The following LETM1 variants were observed in gnomAD, a reference collection of about 807,000 sequenced individuals.
LETM1 encodes leucine zipper and EF-hand containing transmembrane protein 1.
A neutral mutation model predicts 74.5 loss-of-function variants in LETM1; 50 were observed. That is an observed-to-expected ratio of 0.67 (90% CI 0.53 to 0.85). The LOEUF (loss-of-function observed/expected upper bound fraction) is 0.85, where lower values mean the gene tolerates loss of function less well. Among genes scored for constraint, LETM1 ranks in the 40% least tolerant of loss-of-function variants. The pLI is 0.00. For synonymous variants in LETM1, 446 were observed against 407.1 expected (o/e 1.10, Z -1.15); for missense variants, 824 against 967.8 (o/e 0.85, Z 1.97).
In LETM1 at chr4:1,832,727, A is replaced by G. The variant is rs1712319894; in HGVS notation, c.1080+17T>C. 1 of 1,611,584 alleles carries G rather than the reference A, an allele frequency of 6.2e-7. No individual in the cohort carries two copies. The highest frequency in any genetic ancestry group is 1.7e-5 in the Admixed American group (1 of 59,992). Reference sequence around the variant, plus strand: ...GTAAAACACCAGAGCTGTGGCGCGGAGTATGGCCAGGCTCACCTTGTCGTC... The same window carrying G: ...GTAAAACACCAGAGCTGTGGCGCGGGGTATGGCCAGGCTCACCTTGTCGTC... On this transcript the variant is annotated intron_variant, in intron 6 of 13. Coordinates refer to ENST00000302787, the MANE Select transcript of LETM1 (RefSeq NM_012318.3).
chr4:1,843,915 G>T (rs1712791143), intron 2 of LETM1, among the ~76,000 whole-genome samples: 1 of 152,226 alleles, frequency 6.6e-6, no homozygotes, highest in Non-Finnish European at 1.5e-5. Flanking sequence ...GCCAGGCTGT[G>T]TTCCTTCTGT....
At chr4:1,845,307 C>T (rs1712843628) in intron 2 of LETM1, among the ~76,000 whole-genome samples, 1 of 151,590 alleles carries the variant, frequency 6.6e-6, no homozygotes, top group Non-Finnish European at 1.5e-5. Context: ...AAATGGTTAC[C>T]ATTTATAGCT....
At chr4:1,854,522 G>C (rs763459610) in intron 1 of LETM1, among the ~76,000 whole-genome samples, 3 of 151,646 alleles carry the variant, frequency 2.0e-5, no homozygotes, top group Non-Finnish European at 4.4e-5. Flanking sequence ...GGCCGGGCGC[G>C]GTGGCTCACG....
intron 6 of LETM1, among the ~76,000 whole-genome samples, chr4:1,828,136 G>C (rs1405386365): frequency 2.5e-5 from 3 of 119,114 alleles, no homozygotes; most frequent in Non-Finnish European, 5.4e-5. Flanking sequence ...GCGGCTGGCC[G>C]GGCAGAGGGG....
At chr4:1,855,756 G>A in intron 1 of LETM1, 113 bp downstream of exon 1, 2 of 624,140 alleles carry the variant, frequency 3.2e-6, no homozygotes, top group East Asian at 4.2e-5. Flanking sequence ...TCCGGAGGCC[G>A]GGACCACCGG....
chr4:1,830,535 T>C (rs1340380357), intron 6 of LETM1, among the ~76,000 whole-genome samples: 1 of 152,208 alleles, frequency 6.6e-6, no homozygotes, highest in East Asian at 1.9e-4. Flanking sequence ...GGTCTCACTA[T>C]GTTGCCCAGG....
Position 1,836,581 on chromosome 4 carries a change from G to A in LETM1, c.595-9C>T. On this transcript the variant is annotated splice_polypyrimidine_tract_variant and intron_variant, in intron 3 of 13. Transcript: ENST00000302787. This position sits in a 1 kb window ranked among gnomAD's most constrained non-coding sequence, Gnocchi z 5.8. ...GCGCAGATCCGGAGAAACTGGAAGG[G>A]GCGGAATCCATCAGAGGGGAGCAGA... 6.2e-7 allele frequency: 1 copy of A among 1,613,692 alleles called. No homozygotes were observed. Among genetic ancestry groups the A allele is most frequent in the Non-Finnish European group, 8.5e-7 (1 of 1,179,958 alleles).
intron 9 of LETM1, 24 bp from the exon 10 acceptor site, chr4:1,822,336 C>G: frequency 6.9e-7 from 1 of 1,449,140 alleles, no homozygotes; most frequent in Non-Finnish European, 9.2e-7. Flanking sequence ...CGACACCAGC[C>G]CAGCGCCCGC....
intron 1 of LETM1, among the ~76,000 whole-genome samples, chr4:1,854,214 G>A (rs1361513019): frequency 6.6e-6 from 1 of 152,198 alleles, no homozygotes; most frequent in Non-Finnish European, 1.5e-5. Flanking sequence ...AGGCGAGGTG[G>A]CTCACGCCTG....
intron 10 of LETM1, among the ~76,000 whole-genome samples, chr4:1,819,886 T>C (rs1300877037): frequency 6.6e-6 from 1 of 152,222 alleles, no homozygotes; most frequent in Non-Finnish European, 1.5e-5. Context: ...GCACTCTTTT[T>C]GTCTGACTTC....
At chr4:1,841,077 C>T (rs948507873) in intron 3 of LETM1, among the ~76,000 whole-genome samples, 2 of 152,218 alleles carry the variant, frequency 1.3e-5, no homozygotes, top group African/African-American at 2.4e-5. Context: ...CGGCCCAGCA[C>T]GGTGGCTCAC....
chr4:1,834,225 T>G lies in LETM1; in HGVS notation c.876+620A>C, dbSNP rs898510430. Reference sequence around the variant, plus strand: ...TGGCTGGAGTTTCTAGGCCCTGGTTTAAGCTCTTCCTGCACTTCAGACACA... The same window carrying G: ...TGGCTGGAGTTTCTAGGCCCTGGTTGAAGCTCTTCCTGCACTTCAGACACA... On this transcript the variant is annotated intron_variant, in intron 5 of 13. Coordinates refer to ENST00000302787, the MANE Select transcript of LETM1 (RefSeq NM_012318.3). This position sits in a 1 kb window ranked among gnomAD's most constrained non-coding sequence, Gnocchi z 5.0. The G allele has an allele frequency of 5.3e-5, 11 of 206,612 alleles. No individual in the cohort carries two copies. Among genetic ancestry groups the G allele is most frequent in the Non-Finnish European group, 8.5e-5 (10 of 117,836 alleles). The allele number at this position is 206,612 out of a possible 1,614,324, so 12.8% of individuals were successfully genotyped here. A position where few individuals can be genotyped will look rare whatever the true frequency, so the allele number is the denominator to read the frequency against.
intron 1 of LETM1, among the ~76,000 whole-genome samples, chr4:1,853,138 TC>T (rs1306216245): frequency 6.6e-6 from 1 of 151,818 alleles, no homozygotes; most frequent in Non-Finnish European, 1.5e-5. Flanking sequence ...CCCCAAGTCC[TC>T]CCCAGTTTCA....
At chr4:1,832,976 C>G in intron 5 of LETM1, 29 bp from the exon 6 acceptor site, 1 of 1,606,976 alleles carries the variant, frequency 6.2e-7, no homozygotes, top group Non-Finnish European at 8.5e-7. Flanking sequence ...GGGTCATCCC[C>G]GGGACACGCG....
At chr4:1,853,942 C>G (rs1483116353) in intron 1 of LETM1, among the ~76,000 whole-genome samples, 1 of 152,124 alleles carries the variant, frequency 6.6e-6, no homozygotes, top group East Asian at 1.9e-4. Context: ...CATTTGTGTT[C>G]CTGAAATGAC....
In LETM1 at chr4:1,829,488, C is replaced by G. The variant is rs534676246; in HGVS notation, c.1080+3256G>C. Reference sequence around the variant, plus strand: ...GTCTCCACAGTTCCTGATGAGAAATCCATTGTCATTCAAATTTTCCCCTAA... The same window carrying G: ...GTCTCCACAGTTCCTGATGAGAAATGCATTGTCATTCAAATTTTCCCCTAA... On this transcript the variant is annotated intron_variant, in intron 6 of 13. Transcript: ENST00000302787. Among the ~76,000 whole-genome samples, 13 of 152,366 alleles carry G rather than the reference C, an allele frequency of 8.5e-5. No homozygotes were observed. In the East Asian group the frequency reaches 1.7e-3, roughly 20 times the overall value.
At chr4:1,845,111 A>T (rs1348661796) in intron 2 of LETM1, among the ~76,000 whole-genome samples, 1 of 151,500 alleles carries the variant, frequency 6.6e-6, no homozygotes, top group Non-Finnish European at 1.5e-5. Flanking sequence ...AATTGCTTGA[A>T]CTTGGGAGGC....
Position 1,815,595 on chromosome 4 carries a change from C to G in LETM1, c.2070+69G>C, listed in dbSNP as rs548905178. 9.5e-6 allele frequency: 15 copies of G among 1,573,130 alleles called. No homozygotes were observed. The South Asian group carries it at 1.2e-4, about 12-fold the overall frequency. On this transcript the variant is annotated intron_variant, in intron 13 of 13. Transcript: ENST00000302787. The stretch of plus-strand genomic sequence containing the variant: ...AGGAGGGTGCCGGACATGCAATGAA[C>G]AGTCCCCCTGCCCCACCCCACTCCA...
intron 10 of LETM1, among the ~76,000 whole-genome samples, chr4:1,819,699 C>T (rs939240591): frequency 2.0e-5 from 3 of 152,286 alleles, no homozygotes; most frequent in South Asian, 2.1e-4. Context: ...GTTTAAAGCG[C>T]GTCATCTATG....
Sources: gnomAD v4.1 joint callset for allele counts (sites outside exome capture counted in the v4.1 genomes callset) on GRCh38, gnomAD v4.1.1 for gene constraint, Gnocchi (gnomAD v3.1) non-coding constraint, MANE v1.5 for transcripts, NCBI Gene and HGNC (gene_info 2026-07-23, HGNC 2026-07-21) for gene names.